The following NUP210L variants were observed in gnomAD, a reference collection of about 807,000 sequenced individuals.
The protein encoded by NUP210L is nucleoporin 210 like, also known as nuclear pore membrane glycoprotein 210-like.
In NUP210L, 74 loss-of-function variants were observed where a neutral mutation model predicts 208.5. That is an observed-to-expected ratio of 0.35 (90% confidence interval 0.29 to 0.43). The LOEUF (loss-of-function observed/expected upper bound fraction) is 0.43, where lower values mean the gene tolerates loss of function less well. NUP210L is among the 20% of genes least tolerant of loss of function. The probability of loss-of-function intolerance (pLI) is 1.00; values close to 1 mark genes in which losing one functional copy is unlikely to be tolerated. For synonymous variants in NUP210L, 780 were observed against 816.9 expected (o/e 0.95, Z 0.77); for missense variants, 1,843 against 2,289.4 (o/e 0.81, Z 3.98).
At chr1:154,113,225 A>G (rs1370418488) in intron 12 of NUP210L, among the ~76,000 whole-genome samples, 1 of 148,660 alleles carries the variant, frequency 6.7e-6, no homozygotes, top group African/African-American at 2.4e-5. Context: ...TCATTCCTTA[A>G]ATATTTACAT....
chr1:154,040,226 T>C (rs896577579), intron 27 of NUP210L, among the ~76,000 whole-genome samples: 1 of 152,068 alleles, frequency 6.6e-6, no homozygotes, highest in Non-Finnish European at 1.5e-5. Context: ...GGAAAATGTA[T>C]GTTGGAAATA....
intron 24 of NUP210L, 150 bp downstream of exon 24, chr1:154,054,620 G>T: frequency 1.3e-6 from 1 of 745,392 alleles, no homozygotes; most frequent in Non-Finnish European, 2.2e-6. Flanking sequence ...TCATAGGTCA[G>T]GGAAAATACT....
At chr1:154,139,253 A>G (rs913343313) in intron 5 of NUP210L, among the ~76,000 whole-genome samples, 5 of 152,170 alleles carry the variant, frequency 3.3e-5, no homozygotes, top group Non-Finnish European at 7.3e-5. Flanking sequence ...GTGTATGTAG[A>G]TTTCAAATCA....
At chr1:154,042,256 T>C (rs907670926) in intron 27 of NUP210L, among the ~76,000 whole-genome samples, 2 of 152,112 alleles carry the variant, frequency 1.3e-5, no homozygotes, top group African/African-American at 4.8e-5. Context: ...CATGCCACTA[T>C]GCCTGGCTAA....
chr1:154,153,135 G>T (rs1469381600), intron 1 of NUP210L, among the ~76,000 whole-genome samples: 1 of 151,780 alleles, frequency 6.6e-6, no homozygotes, highest in Non-Finnish European at 1.5e-5. Flanking sequence ...CCCTCAGTAT[G>T]CAGAAATACG....
At chr1:154,001,791 G>T in exon 36 of NUP210L, 5 of 1,614,096 alleles carry the variant, frequency 3.1e-6, no homozygotes, top group Non-Finnish European at 4.2e-6. Context: ...CCGATATCTT[G>T]TTTGTGGCTA....
exon 15 of NUP210L, chr1:154,095,079 T>A (rs1283057694): frequency 1.2e-6 from 2 of 1,614,016 alleles, no homozygotes; most frequent in Admixed American, 3.3e-5. Flanking sequence ...CCAAGATCCA[T>A]GGACGAGGAC....
intron 2 of NUP210L, among the ~76,000 whole-genome samples, chr1:154,146,503 C>A (rs7535778): frequency 0.31 from 46,436 of 151,642 alleles, 7,985 homozygotes; most frequent in Admixed American, 0.45. Context: ...ATGGTGGCAC[C>A]CATCTATGGT....
At chr1:154,019,946 C>T (rs548062032) in intron 32 of NUP210L, among the ~76,000 whole-genome samples, 1 of 151,566 alleles carries the variant, frequency 6.6e-6, no homozygotes. Context: ...AACAAACAAA[C>T]AAAAAAAGAG....
chr1:154,052,409 C>T (rs1653564441), intron 25 of NUP210L, among the ~76,000 whole-genome samples: 1 of 152,064 alleles, frequency 6.6e-6, no homozygotes, highest in Non-Finnish European at 1.5e-5. Flanking sequence ...ATGAGCAACA[C>T]CCGTCGAACA....
chr1:154,140,157 C>A (rs983042442), intron 4 of NUP210L, among the ~76,000 whole-genome samples: 3 of 151,736 alleles, frequency 2.0e-5, no homozygotes, highest in African/African-American at 7.3e-5. Flanking sequence ...TTGAGACCAG[C>A]CAGGCCAACA....
At chr1:154,060,816 AT>A (rs1654094514) in intron 19 of NUP210L, 125 bp downstream of exon 19, 1 of 754,898 alleles carries the variant, frequency 1.3e-6, no homozygotes, top group African/African-American at 1.8e-5. Flanking sequence ...ACTATTATAT[AT>A]GTGTTTTACA....
intron 5 of NUP210L, 111 bp from the exon 6 acceptor site, chr1:154,138,349 T>C (rs1448261808): frequency 1.6e-5 from 16 of 977,824 alleles, no homozygotes; most frequent in South Asian, 6.1e-5. Context: ...AAATTTTTTA[T>C]AAAGATTTTT....
At chr1:154,072,473 C>T (rs995393822) in intron 16 of NUP210L, among the ~76,000 whole-genome samples, 5 of 151,678 alleles carry the variant, frequency 3.3e-5, no homozygotes, top group Admixed American at 1.3e-4. Flanking sequence ...GCTGGGACTA[C>T]AGGCGTCTGC....
chr1:154,152,005 G>A (rs1463450438), intron 2 of NUP210L, among the ~76,000 whole-genome samples: 4 of 145,510 alleles, frequency 2.7e-5, no homozygotes, highest in Admixed American at 1.4e-4. Context: ...CAGGAGAATC[G>A]CTTGAACCTG....
At chr1:154,112,681 C>T (rs139546512) in intron 12 of NUP210L, among the ~76,000 whole-genome samples, 311 of 151,710 alleles carry the variant, frequency 2.0e-3, no homozygotes, top group African/African-American at 7.1e-3. Flanking sequence ...TATAGGGAGA[C>T]CCTGTCTCTA....
intron 35 of NUP210L, among the ~76,000 whole-genome samples, chr1:154,005,864 C>T (rs1306046633): frequency 2.0e-5 from 3 of 152,166 alleles, no homozygotes; most frequent in East Asian, 3.9e-4. Context: ...GCTGGGATTA[C>T]AGGCATGCGC....
chr1:154,148,268 G>GAA (rs1186039766), intron 2 of NUP210L, among the ~76,000 whole-genome samples: 4 of 139,302 alleles, frequency 2.9e-5, no homozygotes, highest in East Asian at 2.1e-4. Flanking sequence ...CTCGGTCTCA[G>GAA]AAAAAAAAAA....
At chr1:153,996,772 T>C (rs1649894126) in intron 37 of NUP210L, among the ~76,000 whole-genome samples, 1 of 151,658 alleles carries the variant, frequency 6.6e-6, no homozygotes, top group African/African-American at 2.4e-5. Context: ...AGTACCTTTG[T>C]CCTACTCAGG....
Sources: gnomAD v4.1 joint callset for allele counts (sites outside exome capture counted in the v4.1 genomes callset) on GRCh38, gnomAD v4.1.1 for gene constraint, MANE v1.5 for transcripts, NCBI Gene and HGNC (gene_info 2026-07-23, HGNC 2026-07-21) for gene names.